Variants in MAPK10 observed in about 807,000 individuals in gnomAD.
MAPK10 encodes mitogen-activated protein kinase 10.
MAPK10 carries 25 observed loss-of-function variants against 59.3 expected under a neutral mutation model. The observed-to-expected ratio is 0.42, with a 90% CI of 0.31 to 0.59. The LOEUF is 0.59. Among genes scored for constraint, MAPK10 ranks in the 20% least tolerant of loss-of-function variants. The pLI is 0.15. For missense variants in MAPK10, 351 were observed against 568.9 expected (o/e 0.62, Z 3.90); for synonymous variants, 190 against 200.5 (o/e 0.95, Z 0.44).
intron 1 of MAPK10, among the ~76,000 whole-genome samples, chr4:86,408,073 C>T (rs1001170857): frequency 1.7e-5 from 2 of 114,820 alleles, no homozygotes; most frequent in African/African-American, 6.7e-5. Context: ...CCCCGACAAG[C>T]CCCCGTGTGA....
chr4:86,108,664 G>A (rs2056951042), intron 4 of MAPK10, among the ~76,000 whole-genome samples: 1 of 152,108 alleles, frequency 6.6e-6, no homozygotes, highest in Admixed American at 6.6e-5. Flanking sequence ...TTATATCTAA[G>A]CAGCTCTTTC....
intron 2 of MAPK10, among the ~76,000 whole-genome samples, chr4:86,218,103 CTT>C (rs2088271618): frequency 6.6e-6 from 1 of 152,058 alleles, no homozygotes; most frequent in Non-Finnish European, 1.5e-5. Flanking sequence ...ATACTGAGGA[CTT>C]TGTGAACAAA....
At chr4:86,418,699 C>T (rs148455153) in intron 1 of MAPK10, among the ~76,000 whole-genome samples, 13 of 152,226 alleles carry the variant, frequency 8.5e-5, no homozygotes, top group African/African-American at 2.4e-4. Context: ...TCCTTCATTA[C>T]GTGAAAAAGA....
chr4:86,141,472 C>G (rs534559591), intron 4 of MAPK10, among the ~76,000 whole-genome samples: 1 of 152,210 alleles, frequency 6.6e-6, no homozygotes, highest in East Asian at 1.9e-4. Context: ...CTCTTTCTAG[C>G]CAGAAGAAGT....
rs1198260819 is a variant in MAPK10 at position 86,380,246 on chromosome 4, C to CA, written c.-121-25603dup. Among the ~76,000 whole-genome samples the CA allele has an allele frequency of 9.2e-5, 14 of 151,616 alleles. No individual in the cohort carries two copies. The South Asian group carries it at 2.3e-3, about 25-fold the overall frequency. On this transcript the variant is annotated intron_variant, in intron 1 of 13. Transcript: ENST00000361569. ...TAAAAAAAGAACAAAAACAAACAAACAAAAAAAACCCCCCCAAAAAAACCT... is the reference window on the plus strand; with the variant it reads ...TAAAAAAAGAACAAAAACAAACAAACAAAAAAAAACCCCCCCAAAAAAACCT...
intron 1 of MAPK10, among the ~76,000 whole-genome samples, chr4:86,586,406 T>TA (rs1394532046): frequency 6.6e-6 from 1 of 152,210 alleles, no homozygotes; most frequent in Admixed American, 6.5e-5. Context: ...TTCCTCTCTC[T>TA]GTCTTTCACT....
intron 1 of MAPK10, among the ~76,000 whole-genome samples, chr4:86,391,401 C>T (rs925245192): frequency 6.6e-6 from 1 of 152,146 alleles, no homozygotes; most frequent in African/African-American, 2.4e-5. Context: ...GTAGTTCAGT[C>T]TTGTCATATC....
chr4:86,366,986 C>T (rs2148990013), intron 1 of MAPK10, among the ~76,000 whole-genome samples: 1 of 152,212 alleles, frequency 6.6e-6, no homozygotes, highest in Non-Finnish European at 1.5e-5. Context: ...GAGAAGCTGG[C>T]CATCCTATCC....
chr4:86,161,527 A>G (rs1374754049), intron 3 of MAPK10, among the ~76,000 whole-genome samples: 1 of 152,068 alleles, frequency 6.6e-6, no homozygotes, highest in Non-Finnish European at 1.5e-5. Context: ...TTCCTGGCTA[A>G]GAAAGGTTAA....
Position 86,238,728 on chromosome 4 carries a change from A to C in MAPK10, c.-6-44321T>G, listed in dbSNP as rs561292326. On this transcript the variant is annotated intron_variant, in intron 2 of 13. Coordinates refer to ENST00000641462, the MANE Select transcript of MAPK10 (RefSeq NM_138982.4). ...TGAGACTTTGATGAAATTGAGTATC[A>C]GTTCAAGAAGTTTTTGGGCTGAGAT... Among the ~76,000 whole-genome samples, 5 of 152,338 alleles carry C rather than the reference A, an allele frequency of 3.3e-5. No individual in the cohort carries two copies. In the East Asian group the frequency reaches 9.6e-4, roughly 29 times the overall value.
At chr4:86,592,644 G>T (rs1420394265) in intron 1 of MAPK10, among the ~76,000 whole-genome samples, 1 of 152,306 alleles carries the variant, frequency 6.6e-6, no homozygotes, top group Middle Eastern at 3.4e-3. Flanking sequence ...AATGGGGGAA[G>T]AACTGAGAAA....
At chr4:86,196,738 A>C (rs1484473429) in intron 2 of MAPK10, among the ~76,000 whole-genome samples, 1 of 152,178 alleles carries the variant, frequency 6.6e-6, no homozygotes, top group Non-Finnish European at 1.5e-5. Context: ...ATTTTTGTAG[A>C]AGGTGTAAGG....
At chr4:86,314,826 C>T (rs936947564) in intron 2 of MAPK10, among the ~76,000 whole-genome samples, 3 of 151,994 alleles carry the variant, frequency 2.0e-5, no homozygotes, top group African/African-American at 7.2e-5. Flanking sequence ...ATATGCATAA[C>T]AAACTTAAGA....
intron 11 of MAPK10, among the ~76,000 whole-genome samples, chr4:86,033,299 G>A (rs116744560): frequency 0.022 from 3,377 of 152,290 alleles, 58 homozygotes; most frequent in Non-Finnish European, 0.035. Context: ...TGGTTAGGCC[G>A]CTATCCAAGC....
intron 1 of MAPK10, among the ~76,000 whole-genome samples, chr4:86,372,564 G>GAAAGAAAAGA (rs1554253765): frequency 0.011 from 899 of 78,408 alleles, 18 homozygotes; most frequent in African/African-American, 0.015. Flanking sequence ...AAGAAAGAAA[G>GAAAGAAAAGA]AAAGAAAAGA....
At chr4:86,492,685 A>G (rs573078932) in intron 1 of MAPK10, among the ~76,000 whole-genome samples, 3 of 152,258 alleles carry the variant, frequency 2.0e-5, no homozygotes, top group Non-Finnish European at 4.4e-5. Context: ...CAGGTGCTCA[A>G]TAACGGTATA....
At chr4:86,099,783 T>C (rs1439049044) in intron 8 of MAPK10, 1 of 152,254 alleles carries the variant, frequency 6.6e-6, no homozygotes, top group African/African-American at 2.4e-5. Flanking sequence ...CTTGACTTTG[T>C]TTCTCCTTTG....
At chr4:86,448,255 G>A (rs914427731) in intron 1 of MAPK10, among the ~76,000 whole-genome samples, 1 of 151,966 alleles carries the variant, frequency 6.6e-6, no homozygotes, top group East Asian at 1.9e-4. Flanking sequence ...ATAGCTTTAT[G>A]TAGCATATAC....
At chr4:86,183,203 T>C (rs1219805684) in intron 3 of MAPK10, among the ~76,000 whole-genome samples, 1 of 152,098 alleles carries the variant, frequency 6.6e-6, no homozygotes, top group Non-Finnish European at 1.5e-5. Context: ...GTTAGTTACA[T>C]ATGTATACAT....
Sources: allele counts gnomAD v4.1 joint callset (sites outside exome capture counted in the v4.1 genomes callset), GRCh38; gene constraint gnomAD v4.1.1; transcripts MANE v1.5; gene names NCBI Gene and HGNC (gene_info 2026-07-23, HGNC 2026-07-21).